CYSLTR2: variants seen among roughly 807,000 people sequenced by gnomAD.
CYSLTR2 encodes G-protein coupled receptor GPCR21.
For missense variants in CYSLTR2, 398 were observed against 411.9 expected (o/e 0.97, Z 0.29); for synonymous variants, 179 against 160.8 (o/e 1.11, Z -0.86).
intron 1 of CYSLTR2, among the ~76,000 whole-genome samples, chr13:48,664,288 G>T (rs577077045): frequency 8.6e-5 from 13 of 151,630 alleles, no homozygotes; most frequent in Admixed American, 2.0e-4. Flanking sequence ...AGTTTTTTTT[G>T]TTGTTGTTGT....
intron 4 of CYSLTR2, among the ~76,000 whole-genome samples, chr13:48,699,037 C>A (rs1328163992): frequency 1.3e-5 from 2 of 152,138 alleles, no homozygotes; most frequent in African/African-American, 4.8e-5. Context: ...CCTTAGAGAC[C>A]TACAAAGAGA....
At chr13:48,662,698 T>A (rs1166412949) in intron 1 of CYSLTR2, among the ~76,000 whole-genome samples, 1 of 152,074 alleles carries the variant, frequency 6.6e-6, no homozygotes, top group Non-Finnish European at 1.5e-5. Context: ...ATTTTAAAAT[T>A]GAATATTTTG....
Position 48,695,068 on chromosome 13 carries a change from A to ATTTTTTTTTTTTTTTTTTT in CYSLTR2, c.-102-1450_-102-1432dup, listed in dbSNP as rs869282546. Among the ~76,000 whole-genome samples, 48 of 71,618 alleles carry ATTTTTTTTTTTTTTTTTTT rather than the reference A, an allele frequency of 6.7e-4. 8 individuals are homozygous for ATTTTTTTTTTTTTTTTTTT. Among genetic ancestry groups the ATTTTTTTTTTTTTTTTTTT allele is most frequent in the African/African-American group, 2.8e-3 (45 of 16,280 alleles). 47.0% of individuals were successfully genotyped at this position (71,618 alleles called of 152,430 possible). The stretch of plus-strand genomic sequence containing the variant: ...AGACCATGGTATATCAGAACCTGGC[A>ATTTTTTTTTTTTTTTTTTT]TTTTTTTTTTTTTTTTTTTTTTTTT... On this transcript the variant is annotated intron_variant, in intron 3 of 4. Transcript: ENST00000682523.
At chr13:48,664,603 T>C (rs919534713) in intron 1 of CYSLTR2, among the ~76,000 whole-genome samples, 8 of 152,102 alleles carry the variant, frequency 5.3e-5, no homozygotes, top group Non-Finnish European at 1.2e-4. Flanking sequence ...TTCAAATATA[T>C]TGGCATATAA....
chr13:48,686,821 GA>G (rs1953904096), intron 1 of CYSLTR2, among the ~76,000 whole-genome samples: 1 of 152,204 alleles, frequency 6.6e-6, no homozygotes, highest in East Asian at 1.9e-4. Flanking sequence ...AGTTTTAGAT[GA>G]TACTTTCCAG....
intron 1 of CYSLTR2, among the ~76,000 whole-genome samples, chr13:48,675,576 G>T (rs1276982615): frequency 6.8e-6 from 1 of 147,970 alleles, no homozygotes; most frequent in Non-Finnish European, 1.5e-5. Context: ...TAGCTTGCTG[G>T]GCTTTGTGGG....
intron 1 of CYSLTR2, among the ~76,000 whole-genome samples, chr13:48,661,316 A>G (rs1481939142): frequency 2.6e-5 from 4 of 152,106 alleles, no homozygotes; most frequent in African/African-American, 9.7e-5. Context: ...TCCCATGGTC[A>G]TAGAGGTAGT....
At chr13:48,668,468 A>C (rs1953326840) in intron 1 of CYSLTR2, among the ~76,000 whole-genome samples, 2 of 152,284 alleles carry the variant, frequency 1.3e-5, no homozygotes, top group Non-Finnish European at 2.9e-5. Flanking sequence ...GGTCTTGAAG[A>C]ACAGTAAAAT....
chr13:48,676,677 G>C (rs1953604958), intron 1 of CYSLTR2, among the ~76,000 whole-genome samples: 1 of 152,210 alleles, frequency 6.6e-6, no homozygotes. Context: ...TTCAGACAGA[G>C]TTTGAGGTAG....
rs748680149 is a variant in CYSLTR2 at position 48,707,294 on chromosome 13, T to TG, written c.480dup (p.Ile161AspfsTer19). The stretch of plus-strand genomic sequence containing the variant: ...GCATCAGGAGTGCCTGGATCCTCTG[T>TG]GGGATCATATGGATCCTTATCATGG... On this transcript the variant is annotated frameshift_variant, in exon 5 of 5. Coordinates refer to ENST00000682523, the MANE Select transcript of CYSLTR2 (RefSeq NM_001308476.3). LOFTEE classifies it low-confidence loss of function (END_TRUNC). 66 of 1,613,932 alleles carry TG rather than the reference T, an allele frequency of 4.1e-5. No individual in the cohort carries two copies. Among genetic ancestry groups the TG allele is most frequent in the Non-Finnish European group, 4.9e-5 (58 of 1,180,040 alleles).
In CYSLTR2 at chr13:48,707,184, T is replaced by C. The variant is rs776274176; in HGVS notation, c.367T>C (p.Tyr123His). The change falls in exon 5 of 5, where the codon TAC becomes CAC. Residue 123 changes from tyrosine (Y) to histidine (H), a missense_variant. Coordinates refer to ENST00000682523, the MANE Select transcript of CYSLTR2 (RefSeq NM_001308476.3). ...GTCTTATTCCTTGTATGTCAACATGTACAGCAGTATTTATTTCCTGACCGT... is the reference window on the plus strand; with the variant it reads ...GTCTTATTCCTTGTATGTCAACATGCACAGCAGTATTTATTTCCTGACCGT... ...IMSYSLYVNM[Y>H]SSIYFLTVLS... 25 of 1,614,110 alleles carry C rather than the reference T, an allele frequency of 1.5e-5. No individual in the cohort carries two copies. The Admixed American group carries it at 3.7e-4, about 24-fold the overall frequency.
intron 1 of CYSLTR2, among the ~76,000 whole-genome samples, chr13:48,660,563 A>G (rs571943217): frequency 4.5e-4 from 68 of 152,238 alleles, no homozygotes; most frequent in African/African-American, 1.5e-3. Context: ...ATTCCCCTCC[A>G]TCCCACTTCC....
At chr13:48,706,162 A>AT (rs1307747585) in intron 4 of CYSLTR2, among the ~76,000 whole-genome samples, 64 of 151,226 alleles carry the variant, frequency 4.2e-4, no homozygotes, top group Non-Finnish European at 2.4e-4. Flanking sequence ...GGGCCCGCTA[A>AT]TTTTTGTATT....
At position 48,706,027 on chromosome 13, in the gene CYSLTR2, G is replaced by A. The variant is rs7325008; in HGVS notation, c.-1-790G>A. ...TTTTTTTTTTTTGAGATGGAGTTTC[G>A]CTCTTGTTGCCCCAGCTGGAGTGCA... is the stretch of plus-strand genomic sequence containing the variant. On this transcript the variant is annotated intron_variant, in intron 4 of 4. Coordinates refer to ENST00000682523, the MANE Select transcript of CYSLTR2 (RefSeq NM_001308476.3). Among the ~76,000 whole-genome samples, 926 of 133,900 alleles carry A rather than the reference G, an allele frequency of 6.9e-3. 6 individuals are homozygous for A. Among genetic ancestry groups the A allele is most frequent in the Non-Finnish European group, 0.01 (646 of 63,626 alleles). The allele number at this position is 133,900 out of a possible 152,430, so 87.8% of individuals were successfully genotyped here.
chr13:48,695,024 G>A (rs7997334), intron 3 of CYSLTR2, among the ~76,000 whole-genome samples: 4,280 of 142,660 alleles, frequency 0.03, 204 homozygotes, highest in African/African-American at 0.1. Flanking sequence ...ACCCCTTCCC[G>A]CAATGGTAAC....
intron 1 of CYSLTR2, among the ~76,000 whole-genome samples, chr13:48,672,173 TTTC>T (rs1227795503): frequency 6.6e-6 from 1 of 152,142 alleles, no homozygotes; most frequent in Non-Finnish European, 1.5e-5. Context: ...TCTTCTGTCT[TTTC>T]TTCTTTATTT....
intron 4 of CYSLTR2, among the ~76,000 whole-genome samples, chr13:48,699,071 T>C (rs1220965564): frequency 6.6e-6 from 1 of 152,154 alleles, no homozygotes; most frequent in Non-Finnish European, 1.5e-5. Flanking sequence ...ACAATAATAA[T>C]GGGAGACTTT....
At chr13:48,699,026 T>A (rs551466614) in intron 4 of CYSLTR2, among the ~76,000 whole-genome samples, 4 of 152,214 alleles carry the variant, frequency 2.6e-5, no homozygotes, top group South Asian at 4.1e-4. Flanking sequence ...ATAAAGCAAG[T>A]CCTTAGAGAC....
chr13:48,664,446 T>C (rs1055541638), intron 1 of CYSLTR2, among the ~76,000 whole-genome samples: 1 of 152,074 alleles, frequency 6.6e-6, no homozygotes, highest in Non-Finnish European at 1.5e-5. Flanking sequence ...AATTCATCAG[T>C]GAAGCCATCT....
Sources: allele counts gnomAD v4.1 joint callset (sites outside exome capture counted in the v4.1 genomes callset), GRCh38; gene constraint gnomAD v4.1.1; transcripts MANE v1.5; gene names NCBI Gene and HGNC (gene_info 2026-07-23, HGNC 2026-07-21).